CRACDL: variants seen among roughly 807,000 people sequenced by gnomAD.
CRACDL encodes the protein CRACD like.
CRACDL carries 26 observed loss-of-function variants against 70.6 expected under a neutral mutation model. That is an observed-to-expected ratio of 0.37 (90% CI 0.27 to 0.51). CRACDL has a LOEUF of 0.51. Among genes scored for constraint, CRACDL ranks in the 20% least tolerant of loss-of-function variants. CRACDL has a pLI of 0.94. For synonymous variants in CRACDL, 618 were observed against 615.2 expected (o/e 1.00, Z -0.07); for missense variants, 1,283 against 1,376.9 (o/e 0.93, Z 1.08).
At chr2:98,900,036 G>A (rs1708228789) in intron 1 of CRACDL, among the ~76,000 whole-genome samples, 1 of 142,038 alleles carries the variant, frequency 7.0e-6, no homozygotes, top group South Asian at 2.4e-4. Flanking sequence ...CAGCAGGAGG[G>A]GAGGCAGATG....
At chr2:98,904,638 C>T (rs554997795) in intron 1 of CRACDL, among the ~76,000 whole-genome samples, 1 of 152,320 alleles carries the variant, frequency 6.6e-6, no homozygotes, top group Non-Finnish European at 1.5e-5. Context: ...AGAACAAAGC[C>T]ACCTTTAATT....
At chr2:98,819,966 C>T (rs1042100189) in intron 7 of CRACDL, among the ~76,000 whole-genome samples, 5 of 151,370 alleles carry the variant, frequency 3.3e-5, no homozygotes, top group African/African-American at 4.9e-5. Context: ...ATTAGAGGTG[C>T]GCGCCACCAT....
chr2:98,883,312 G>A (rs527467178), intron 1 of CRACDL, among the ~76,000 whole-genome samples: 111 of 152,318 alleles, frequency 7.3e-4, no homozygotes, highest in Non-Finnish European at 1.2e-3. Context: ...GGAGGATGGA[G>A]GTCTTGTTGG....
chr2:98,823,186 TCGGGGGGCCCTCCGG>T lies in CRACDL; in HGVS notation c.1072_1086del (p.Pro358_Pro362del), dbSNP rs1705162486. On this transcript the variant is annotated inframe_deletion, in exon 7 of 10. Transcript: ENST00000397899. The surrounding 1 kb of genome is among the most constrained non-coding windows in gnomAD (Gnocchi z 4.0). ...TGCTTTCCGCCGTCGGGACCGGGAT[TCGGGGGGCCCTCCGG>T]CGGGGACGGGGGCTCCACGCGGAGA... 11 of 1,492,904 alleles carry T rather than the reference TCGGGGGGCCCTCCGG, an allele frequency of 7.4e-6. No homozygotes were observed. The highest frequency in any genetic ancestry group is 1.5e-5 in the African/African-American group (1 of 68,672). The allele number at this position is 1,492,904 out of a possible 1,614,324, so 92.5% of individuals were successfully genotyped here.
At position 98,875,879 on chromosome 2, in the gene CRACDL, T is replaced by C. The variant is rs2104606242; in HGVS notation, c.-10-29069A>G. ...CTGGCACTTTGGAACTCTGATGACA[T>C]AGAGGCCACAGATGCCAACGATTTG... On this transcript the variant is annotated intron_variant, in intron 1 of 9. Transcript: ENST00000397899. 2.0e-5 allele frequency among the ~76,000 whole-genome samples: 3 copies of C among 152,352 alleles called. No homozygotes were observed. The Middle Eastern group carries it at 0.01, about 518-fold the overall frequency.
At chr2:98,831,461 C>G (rs1166518308) in intron 5 of CRACDL, among the ~76,000 whole-genome samples, 1 of 152,088 alleles carries the variant, frequency 6.6e-6, no homozygotes, top group Non-Finnish European at 1.5e-5. Flanking sequence ...AATGGCCCCT[C>G]GAGCAGGCCA....
intron 1 of CRACDL, among the ~76,000 whole-genome samples, chr2:98,864,336 T>C (rs6542840): frequency 0.14 from 21,021 of 152,124 alleles, 1,648 homozygotes; most frequent in Non-Finnish European, 0.16. Flanking sequence ...TGATTCCACT[T>C]ACACGAAATG....
At chr2:98,899,343 A>G (rs1708206902) in intron 1 of CRACDL, among the ~76,000 whole-genome samples, 1 of 152,260 alleles carries the variant, frequency 6.6e-6, no homozygotes, top group South Asian at 2.1e-4. Flanking sequence ...AAAGATACAC[A>G]AGAGTCCTCA....
chr2:98,860,150 A>G (rs911023623), intron 1 of CRACDL, among the ~76,000 whole-genome samples: 7 of 152,224 alleles, frequency 4.6e-5, no homozygotes, highest in African/African-American at 1.4e-4. Flanking sequence ...AAATTAAAGA[A>G]GACATAAATA....
chr2:98,919,238 T>C (rs977837171), intron 1 of CRACDL, among the ~76,000 whole-genome samples: 6 of 152,216 alleles, frequency 3.9e-5, no homozygotes, highest in African/African-American at 1.4e-4. Flanking sequence ...AGCCTTTTAG[T>C]ATAGTTTGAA....
At chr2:98,833,086 A>G in intron 3 of CRACDL, 89 bp from the exon 4 acceptor site, 3 of 1,232,030 alleles carry the variant, frequency 2.4e-6, no homozygotes, top group Non-Finnish European at 3.4e-6. Flanking sequence ...GATGTGAGTG[A>G]ACAGAACATC....
At chr2:98,858,288 G>C (rs2104565629) in intron 1 of CRACDL, among the ~76,000 whole-genome samples, 1 of 152,202 alleles carries the variant, frequency 6.6e-6, no homozygotes, top group Non-Finnish European at 1.5e-5. Flanking sequence ...GCTGAGGCAG[G>C]CGGATCACAT....
At chr2:98,816,557 T>C (rs180885757) in intron 7 of CRACDL, among the ~76,000 whole-genome samples, 39 of 152,204 alleles carry the variant, frequency 2.6e-4, no homozygotes, top group African/African-American at 8.4e-4. Context: ...GCTCATCAGA[T>C]GGGTAGGTGG....
At chr2:98,880,804 G>C (rs891504535) in intron 1 of CRACDL, among the ~76,000 whole-genome samples, 2 of 152,130 alleles carry the variant, frequency 1.3e-5, no homozygotes, top group East Asian at 3.9e-4. Flanking sequence ...GCCCCCAGCC[G>C]GGGGGCTTTC....
chr2:98,798,527 T>C (rs1703939866), intron 7 of CRACDL, among the ~76,000 whole-genome samples: 1 of 149,606 alleles, frequency 6.7e-6, no homozygotes, highest in African/African-American at 2.5e-5. Flanking sequence ...GGAATCTCCT[T>C]CCATATTTAC....
intron 2 of CRACDL, among the ~76,000 whole-genome samples, chr2:98,843,138 T>A (rs1706107252): frequency 1.3e-5 from 2 of 152,184 alleles, no homozygotes; most frequent in South Asian, 4.1e-4. Flanking sequence ...CTGCATTACC[T>A]AATGATTATA....
chr2:98,840,221 A>T (rs2104520642), intron 2 of CRACDL, among the ~76,000 whole-genome samples: 1 of 152,226 alleles, frequency 6.6e-6, no homozygotes, highest in East Asian at 1.9e-4. Context: ...TGTTTGGTCA[A>T]AAATATTTTC....
intron 7 of CRACDL, among the ~76,000 whole-genome samples, chr2:98,813,739 G>A (rs775691586): frequency 6.6e-6 from 1 of 152,098 alleles, no homozygotes; most frequent in East Asian, 1.9e-4. Flanking sequence ...CTCATAAAAC[G>A]GGTTGGGAAG....
intron 1 of CRACDL, among the ~76,000 whole-genome samples, chr2:98,919,977 C>T (rs149479650): frequency 1.3e-5 from 2 of 152,276 alleles, no homozygotes; most frequent in African/African-American, 4.8e-5. Context: ...TCGTCTTGAA[C>T]TCCTGGCCTC....
Sources: gnomAD v4.1 joint callset for allele counts (sites outside exome capture counted in the v4.1 genomes callset) on GRCh38, gnomAD v4.1.1 for gene constraint, Gnocchi (gnomAD v3.1) non-coding constraint, MANE v1.5 for transcripts, NCBI Gene and HGNC (gene_info 2026-07-23, HGNC 2026-07-21) for gene names.